The following TMEM132D variants were observed in gnomAD, a reference collection of about 807,000 sequenced individuals.
TMEM132D encodes transmembrane protein 132D.
TMEM132D carries 21 observed loss-of-function variants against 62.3 expected under a neutral mutation model. That is an observed-to-expected ratio of 0.34 (90% CI 0.24 to 0.49). TMEM132D has a LOEUF of 0.49. TMEM132D is among the 20% of genes least tolerant of loss of function. The probability of loss-of-function intolerance (pLI) is 0.99; values close to 1 mark genes in which losing one functional copy is unlikely to be tolerated. For synonymous variants in TMEM132D, 621 were observed against 575.6 expected (o/e 1.08, Z -1.13); for missense variants, 1,346 against 1,402.8 (o/e 0.96, Z 0.65).
intron 3 of TMEM132D, among the ~76,000 whole-genome samples, chr12:129,482,945 CTGTGTG>C (rs59346043): frequency 0.14 from 19,610 of 144,016 alleles, 1,386 homozygotes; most frequent in East Asian, 0.31. Flanking sequence ...CATATTTAAT[CTGTGTG>C]TGTGTGTGTG....
chr12:129,887,731 T>C (rs1874791805), intron 1 of TMEM132D, among the ~76,000 whole-genome samples: 1 of 152,212 alleles, frequency 6.6e-6, no homozygotes, highest in African/African-American at 2.4e-5. Context: ...CTGCAAGTTT[T>C]TGTTCTTTCC....
chr12:129,771,719 G>A (rs190668765), intron 1 of TMEM132D, among the ~76,000 whole-genome samples: 161 of 152,300 alleles, frequency 1.1e-3, no homozygotes, highest in Middle Eastern at 3.4e-3. Flanking sequence ...GGGTAATCCC[G>A]GTTAACAATG....
At chr12:129,511,507 T>C (rs1001420685) in intron 3 of TMEM132D, among the ~76,000 whole-genome samples, 44 of 152,230 alleles carry the variant, frequency 2.9e-4, no homozygotes, top group African/African-American at 1.0e-3. Flanking sequence ...TCTTTTAAAA[T>C]TTAGCCATTG....
chr12:129,829,622 C>T (rs1566000480), intron 1 of TMEM132D, among the ~76,000 whole-genome samples: 1 of 152,098 alleles, frequency 6.6e-6, no homozygotes, highest in African/African-American at 2.4e-5. Flanking sequence ...ACCTTAGCCC[C>T]GTGTTTTCCC....
intron 3 of TMEM132D, among the ~76,000 whole-genome samples, chr12:129,517,586 T>C (rs1320868402): frequency 1.3e-5 from 2 of 152,108 alleles, no homozygotes; most frequent in South Asian, 2.1e-4. Flanking sequence ...GGTGGACCCA[T>C]GGGAGCATAT....
chr12:129,235,654 T>G (rs7133012), intron 4 of TMEM132D, among the ~76,000 whole-genome samples: 3 of 152,192 alleles, frequency 2.0e-5, no homozygotes, highest in African/African-American at 7.2e-5. Context: ...TAATGCTGAT[T>G]TGAATACTCA....
chr12:129,575,442 AAGATATCC>A lies in TMEM132D; in HGVS notation c.969-44245_969-44238del, dbSNP rs1415643150. ...TAGACATCTCTCACTAAATAATGTGAAGATATCCTTGACTGCAATGGTCAAACCTGAAG... is the reference window on the plus strand; with the variant it reads ...TAGACATCTCTCACTAAATAATGTGATTGACTGCAATGGTCAAACCTGAAG... On this transcript the variant is annotated intron_variant, in intron 2 of 8. Coordinates refer to ENST00000422113, the MANE Select transcript of TMEM132D (RefSeq NM_133448.3). 2.6e-5 allele frequency among the ~76,000 whole-genome samples: 4 copies of A among 151,806 alleles called. No individual in the cohort carries two copies. The East Asian group carries it at 7.8e-4, about 29-fold the overall frequency.
chr12:129,659,797 T>C (rs966752667), intron 2 of TMEM132D, among the ~76,000 whole-genome samples: 7 of 152,246 alleles, frequency 4.6e-5, no homozygotes, highest in Non-Finnish European at 1.0e-4. Flanking sequence ...TTTTAGAGAA[T>C]GGATTTATTT....
intron 4 of TMEM132D, among the ~76,000 whole-genome samples, chr12:129,217,605 A>G (rs1879241451): frequency 6.6e-6 from 1 of 152,202 alleles, no homozygotes; most frequent in African/African-American, 2.4e-5. Context: ...TCAACCTCTA[A>G]GCAGTGTGTT....
At chr12:129,669,315 T>A (rs762102681) in intron 2 of TMEM132D, among the ~76,000 whole-genome samples, 3 of 152,198 alleles carry the variant, frequency 2.0e-5, no homozygotes, top group Admixed American at 1.3e-4. Context: ...CGTTGTTAGC[T>A]GTTCTTGAGG....
rs1321141137 is a variant in TMEM132D, at chr12:129,073,174, A to T, written c.*701T>A. 1.3e-5 allele frequency: 2 copies of T among 152,244 alleles called. No homozygotes were observed. Among genetic ancestry groups the T allele is most frequent in the South Asian group, 2.1e-4 (1 of 4,830 alleles). The allele number at this position is 152,244 out of a possible 1,614,324, so 9.4% of individuals were successfully genotyped here. A position where few individuals can be genotyped will look rare whatever the true frequency, so the allele number is the denominator to read the frequency against. On this transcript the variant is annotated 3_prime_UTR_variant, in exon 9 of 9. Transcript: ENST00000422113. ...CAGTATCCTTAGTTTACAAATAAAGAAGTACCCTGAAGGGCTCAGAGGATT... is the reference window on the plus strand; with the variant it reads ...CAGTATCCTTAGTTTACAAATAAAGTAGTACCCTGAAGGGCTCAGAGGATT...
chr12:129,463,314 T>C (rs1277701008), intron 3 of TMEM132D, among the ~76,000 whole-genome samples: 2 of 152,046 alleles, frequency 1.3e-5, no homozygotes, highest in Non-Finnish European at 2.9e-5. Context: ...TCTCCAGAAA[T>C]ACTGACAGAT....
chr12:129,767,471 C>G (rs1047563855), intron 1 of TMEM132D, among the ~76,000 whole-genome samples: 1 of 152,148 alleles, frequency 6.6e-6, no homozygotes, highest in African/African-American at 2.4e-5. Context: ...GAAACTGAAA[C>G]TGTCCTCAGT....
chr12:129,837,439 A>G (rs1164501523), intron 1 of TMEM132D, among the ~76,000 whole-genome samples: 2 of 152,202 alleles, frequency 1.3e-5, no homozygotes, highest in East Asian at 3.9e-4. Context: ...TTTACAAACA[A>G]TTGCTTTTTA....
intron 4 of TMEM132D, among the ~76,000 whole-genome samples, chr12:129,282,382 A>G (rs1881181710): frequency 6.6e-6 from 1 of 152,144 alleles, no homozygotes; most frequent in African/African-American, 2.4e-5. Context: ...AAATATCTGC[A>G]TGAAAGTGAG....
chr12:129,309,122 C>A (rs1020208444), intron 4 of TMEM132D, among the ~76,000 whole-genome samples: 1 of 152,342 alleles, frequency 6.6e-6, no homozygotes, highest in Non-Finnish European at 1.5e-5. Context: ...TGAACAAACA[C>A]ATTCAAAGGT....
chr12:129,680,461 G>T (rs1225894419), intron 2 of TMEM132D, among the ~76,000 whole-genome samples: 1 of 152,054 alleles, frequency 6.6e-6, no homozygotes, highest in Admixed American at 6.5e-5. Flanking sequence ...TCCAAAGTTT[G>T]TATCATATTT....
intron 5 of TMEM132D, among the ~76,000 whole-genome samples, chr12:129,089,867 C>A (rs1461265014): frequency 6.6e-6 from 1 of 152,226 alleles, no homozygotes; most frequent in Non-Finnish European, 1.5e-5. Flanking sequence ...CCCAAGTGGG[C>A]GCCTGTGGCC....
intron 5 of TMEM132D, among the ~76,000 whole-genome samples, chr12:129,163,516 G>A (rs1013691974): frequency 6.6e-6 from 1 of 152,202 alleles, no homozygotes; most frequent in Non-Finnish European, 1.5e-5. Context: ...GATCAGAGGA[G>A]GACAGAAAGG....
Sources: allele counts gnomAD v4.1 joint callset (sites outside exome capture counted in the v4.1 genomes callset), GRCh38; gene constraint gnomAD v4.1.1; transcripts MANE v1.5; gene names NCBI Gene and HGNC (gene_info 2026-07-23, HGNC 2026-07-21).